Variants in ETV1 observed in about 807,000 individuals in gnomAD.
ETV1 encodes ETS variant transcription factor 1, also known as ETS translocation variant 1.
ETV1 carries 27 observed loss-of-function variants against 62.3 expected under a neutral mutation model. That is an observed-to-expected ratio of 0.43 (90% CI 0.32 to 0.60). The LOEUF is 0.60. Ranked by LOEUF, ETV1 falls within the 20% of genes least tolerant of loss-of-function variation. The pLI, the probability that ETV1 is intolerant of heterozygous loss-of-function variation, is 0.06. For synonymous variants in ETV1, 222 were observed against 199.6 expected, an observed-to-expected ratio of 1.11 and a Z score of -0.94; for missense variants, 605 against 605.8, an observed-to-expected ratio of 1.00 and a Z score of 0.01.
Position 13,920,505 on chromosome 7 carries a change from G to C in ETV1, c.803-9198C>G, listed in dbSNP as rs187553649. Among the ~76,000 whole-genome samples, 484 of 151,914 alleles carry C rather than the reference G, an allele frequency of 3.2e-3. 5 individuals carry two copies. Among genetic ancestry groups the C allele is most frequent in the African/African-American group, 0.011 (470 of 41,434 alleles). ...TCTCCATTTTATGAATGAAACTCCA[G>C]GCTCTATAGCGTCCATTCATGTAAG... is the stretch of plus-strand genomic sequence containing the variant. On this transcript the variant is annotated intron_variant, in intron 9 of 13. Coordinates refer to ENST00000430479, the MANE Select transcript of ETV1 (RefSeq NM_004956.5).
In ETV1 at chr7:13,892,778, T is replaced by C. The variant is rs1583531854; in HGVS notation, c.*3088A>G. 2 of 232,334 alleles carry C rather than the reference T, an allele frequency of 8.6e-6. No individual in the cohort carries two copies. The highest frequency in any genetic ancestry group is 1.2e-4 in the East Asian group (2 of 16,492). 14.4% of individuals were successfully genotyped at this position (232,334 alleles called of 1,614,324 possible). A position where few individuals can be genotyped will look rare whatever the true frequency, so the allele number is the denominator to read the frequency against. Reference sequence around the variant, plus strand: ...ACCATGGAAGCAGAGATTGAAGTGATGTAGCCAGGAGCCAAGGAATGTCAG... The same window carrying C: ...ACCATGGAAGCAGAGATTGAAGTGACGTAGCCAGGAGCCAAGGAATGTCAG... On this transcript the variant is annotated 3_prime_UTR_variant, in exon 14 of 14. Coordinates refer to ENST00000430479, the MANE Select transcript of ETV1 (RefSeq NM_004956.5).
At chr7:13,930,967 A>AT (rs1392926702) in intron 9 of ETV1, among the ~76,000 whole-genome samples, 7 of 151,430 alleles carry the variant, frequency 4.6e-5, no homozygotes, top group South Asian at 2.1e-4. Context: ...TGCCTGGCTA[A>AT]TTTTTTGTAC....
chr7:13,962,697 T>A (rs1029267442), intron 6 of ETV1, among the ~76,000 whole-genome samples: 3 of 152,038 alleles, frequency 2.0e-5, no homozygotes, highest in Non-Finnish European at 2.9e-5. Context: ...ATTTCTACAA[T>A]CCAAAGCACA....
At chr7:13,986,588 T>A (rs773566487) in intron 5 of ETV1, 50 bp downstream of exon 5, 47 of 1,606,990 alleles carry the variant, frequency 2.9e-5, no homozygotes, top group Non-Finnish European at 4.0e-5. Flanking sequence ...CTTCTTTTCT[T>A]TCTCCTTCTA....
At chr7:13,923,925 C>T (rs1474031577) in intron 9 of ETV1, among the ~76,000 whole-genome samples, 1 of 151,968 alleles carries the variant, frequency 6.6e-6, no homozygotes, top group Non-Finnish European at 1.5e-5. Context: ...ATCCCAGCTA[C>T]TCAGGAGGCT....
intron 6 of ETV1, among the ~76,000 whole-genome samples, chr7:13,968,293 G>A (rs948515136): frequency 6.6e-6 from 1 of 151,848 alleles, no homozygotes; most frequent in Non-Finnish European, 1.5e-5. Flanking sequence ...CTAAAGACTT[G>A]GGTTAATATA....
chr7:13,966,100 A>G (rs1790745226), intron 6 of ETV1, among the ~76,000 whole-genome samples: 1 of 152,196 alleles, frequency 6.6e-6, no homozygotes, highest in Admixed American at 6.5e-5. Flanking sequence ...GAAAAATAAC[A>G]TCTGATCTGA....
rs1320273839 is a variant in ETV1 at position 13,950,491 on chromosome 7, C to T, written c.236-11245G>A. ...ATGAAGGAGATACAGTTTGAAAAAG[C>T]CCCGGAAGTGATCAGGTGTCTACAG... is the stretch of plus-strand genomic sequence containing the variant. On this transcript the variant is annotated intron_variant, in intron 6 of 13. Coordinates refer to ENST00000430479, the MANE Select transcript of ETV1 (RefSeq NM_004956.5). Among the ~76,000 whole-genome samples the T allele has an allele frequency of 1.3e-5, 2 of 152,106 alleles. 1 individual carries two copies. Among genetic ancestry groups the T allele is most frequent in the Middle Eastern group, 6.8e-3 (2 of 294 alleles).
chr7:13,971,924 A>G (rs1246589201), intron 6 of ETV1, among the ~76,000 whole-genome samples: 1 of 152,120 alleles, frequency 6.6e-6, no homozygotes, highest in Non-Finnish European at 1.5e-5. Flanking sequence ...TAGCCTGGAC[A>G]ACAATAGTGA....
At chr7:13,932,300 A>G (rs1184712194) in intron 8 of ETV1, among the ~76,000 whole-genome samples, 1 of 152,198 alleles carries the variant, frequency 6.6e-6, no homozygotes, top group African/African-American at 2.4e-5. Flanking sequence ...TTCCTCAACA[A>G]TGTCCTAATT....
intron 5 of ETV1, among the ~76,000 whole-genome samples, chr7:13,982,213 C>T (rs901247790): frequency 5.3e-5 from 8 of 151,972 alleles, no homozygotes; most frequent in Admixed American, 3.9e-4. Flanking sequence ...GCCAACTAGC[C>T]GTTGTTTCTA....
chr7:13,939,347 A>C, intron 6 of ETV1, 101 bp from the exon 7 acceptor site: 1 of 973,726 alleles, frequency 1.0e-6, no homozygotes, highest in Non-Finnish European at 1.5e-6. Context: ...TTCACATTTC[A>C]TATTAACTTA....
chr7:13,924,530 C>T (rs969572062), intron 9 of ETV1, among the ~76,000 whole-genome samples: 3 of 152,142 alleles, frequency 2.0e-5, no homozygotes, highest in Admixed American at 2.0e-4. Context: ...AATGTGGGCA[C>T]TATTTAATGT....
chr7:13,899,922 A>G (rs569850940), intron 13 of ETV1, among the ~76,000 whole-genome samples: 1 of 152,296 alleles, frequency 6.6e-6, no homozygotes, highest in Non-Finnish European at 1.5e-5. Context: ...TGAGGTCAGG[A>G]GTTCAAGACC....
chr7:13,920,011 A>G (rs1294548826), intron 9 of ETV1, among the ~76,000 whole-genome samples: 2 of 152,212 alleles, frequency 1.3e-5, no homozygotes, highest in Admixed American at 1.3e-4. Context: ...CACTTGAAAT[A>G]AGCAGTTCTG....
At chr7:13,939,591 A>C (rs1562650042) in intron 6 of ETV1, among the ~76,000 whole-genome samples, 1 of 152,256 alleles carries the variant, frequency 6.6e-6, no homozygotes. Flanking sequence ...CTAAAGCAGA[A>C]AAATTACAGA....
chr7:13,931,700 T>C lies in ETV1; in HGVS notation c.604A>G (p.Thr202Ala), dbSNP rs1786190361. ...ATAGGACGTCCTTCCCTTGGCATCGTCGGCAAAGGAGGAAAGGAGTTACAG... is the reference window on the plus strand; with the variant it reads ...ATAGGACGTCCTTCCCTTGGCATCGCCGGCAAAGGAGGAAAGGAGTTACAG... ...EPCNSFPPLP[T>A]MPREGRPMYQ... The change falls in exon 9 of 14, where the codon ACG becomes GCG. Residue 202 changes from threonine (T) to alanine (A), a missense_variant. Physicochemically the swap from Thr to Ala is moderately conservative, Grantham distance 58 (BLOSUM62 0). This residue lies in a region of ETV1 where 426 missense variants were observed against 377.8 expected (regional missense o/e 1.13). Coordinates refer to ENST00000430479, the MANE Select transcript of ETV1 (RefSeq NM_004956.5). 1.2e-6 allele frequency: 2 copies of C among 1,613,854 alleles called. No homozygotes were observed. Among genetic ancestry groups the C allele is most frequent in the African/African-American group, 1.3e-5 (1 of 74,916 alleles).
intron 6 of ETV1, among the ~76,000 whole-genome samples, chr7:13,949,666 C>G (rs1383718162): frequency 6.6e-6 from 1 of 152,176 alleles, no homozygotes; most frequent in South Asian, 2.1e-4. Flanking sequence ...TAAACCATTT[C>G]TCTTGTTTAC....
intron 6 of ETV1, among the ~76,000 whole-genome samples, chr7:13,961,889 G>C (rs1790208746): frequency 6.6e-6 from 1 of 152,070 alleles, no homozygotes; most frequent in African/African-American, 2.4e-5. Flanking sequence ...GAACTACTTA[G>C]TGTGATCAAC....
Sources: gnomAD v4.1 joint callset for allele counts (sites outside exome capture counted in the v4.1 genomes callset) on GRCh38, gnomAD v4.1.1 for gene constraint, gnomAD v4.1.1 regional missense constraint, MANE v1.5 for transcripts, NCBI Gene and HGNC (gene_info 2026-07-23, HGNC 2026-07-21) for gene names.